TANC2: variants seen among roughly 807,000 people sequenced by gnomAD.
TANC2 encodes tetratricopeptide repeat, ankyrin repeat and coiled-coil containing 2.
TANC2 carries 26 observed loss-of-function variants against 210.5 expected under a neutral mutation model. That is an observed-to-expected ratio of 0.12 (90% CI 0.09 to 0.17). TANC2 has a LOEUF of 0.17. TANC2 is among the 10% of genes least tolerant of loss of function. The pLI, the probability that TANC2 is intolerant of heterozygous loss-of-function variation, is 1.00. For synonymous variants in TANC2, 931 were observed against 967.1 expected (o/e 0.96, Z 0.69); for missense variants, 2,129 against 2,608.9 (o/e 0.82, Z 4.01).
chr17:63,224,605 C>A (rs1161646116), intron 7 of TANC2, among the ~76,000 whole-genome samples: 1 of 152,132 alleles, frequency 6.6e-6, no homozygotes, highest in East Asian at 1.9e-4. Flanking sequence ...GCCAACTGGC[C>A]TCTGTATCCT....
chr17:63,107,424 G>A (rs1344509923), intron 4 of TANC2, among the ~76,000 whole-genome samples: 1 of 151,688 alleles, frequency 6.6e-6, no homozygotes, highest in African/African-American at 2.4e-5. Context: ...AATTCATGAA[G>A]TAGATGTTAA....
chr17:63,283,886 G>A (rs1489242954), intron 9 of TANC2, among the ~76,000 whole-genome samples: 1 of 151,752 alleles, frequency 6.6e-6, no homozygotes, highest in East Asian at 1.9e-4. Flanking sequence ...TTTTTTAATA[G>A]ATTCAGTAAG....
At chr17:63,322,588 A>G (rs781567181) in intron 11 of TANC2, among the ~76,000 whole-genome samples, 2 of 152,268 alleles carry the variant, frequency 1.3e-5, no homozygotes, top group Non-Finnish European at 2.9e-5. Context: ...TCAGTTATTC[A>G]GTTTAGATAT....
intron 5 of TANC2, among the ~76,000 whole-genome samples, chr17:63,186,599 C>A (rs975758309): frequency 6.6e-6 from 1 of 151,922 alleles, no homozygotes; most frequent in African/African-American, 2.4e-5. Context: ...GTGATCCACC[C>A]CCCGCTTCAG....
chr17:63,356,610 T>C (rs569916357), intron 14 of TANC2, among the ~76,000 whole-genome samples: 1 of 152,300 alleles, frequency 6.6e-6, no homozygotes, highest in South Asian at 2.1e-4. Context: ...AGCCAGGCAA[T>C]AGACTTTGTA....
chr17:63,210,015 A>C (rs146397292), intron 7 of TANC2, among the ~76,000 whole-genome samples: 3 of 152,330 alleles, frequency 2.0e-5, no homozygotes, highest in East Asian at 3.9e-4. Flanking sequence ...TTTTAAATAA[A>C]TCAACTTATT....
chr17:63,399,386 T>C (rs1291301933), intron 19 of TANC2: 1 of 152,556 alleles, frequency 6.6e-6, no homozygotes, highest in East Asian at 1.9e-4. Flanking sequence ...TCTGACACAA[T>C]TAATCTAATA....
chr17:63,324,190 AG>A (rs1449538634), intron 11 of TANC2, among the ~76,000 whole-genome samples: 6 of 152,366 alleles, frequency 3.9e-5, no homozygotes, highest in Non-Finnish European at 7.3e-5. Flanking sequence ...TAGATTAAGA[AG>A]CTAACATATC....
exon 28 of TANC2, chr17:63,426,782 G>T (rs1568016190): frequency 6.6e-6 from 1 of 152,252 alleles, no homozygotes; most frequent in Non-Finnish European, 1.5e-5. Flanking sequence ...GACCTACTCT[G>T]TGGAACGGAA....
chr17:63,191,464 AT>A lies in TANC2; in HGVS notation c.434-2526del, dbSNP rs140015148. ...TCAGATATTCCCACCTTTTAAAAAAATATATTATTTATTTTTCAGACAGGAT... is the reference window on the plus strand; with the variant it reads ...TCAGATATTCCCACCTTTTAAAAAAAATATTATTTATTTTTCAGACAGGAT... On this transcript the variant is annotated intron_variant, in intron 5 of 27. Coordinates refer to ENST00000689528, the Ensembl canonical transcript of TANC2. 8.4e-3 allele frequency among the ~76,000 whole-genome samples: 1,282 copies of A among 151,868 alleles called. 16 individuals carry two copies. The highest frequency in any genetic ancestry group is 0.028 in the African/African-American group (1,173 of 41,446).
chr17:62,967,734 T>C (rs2031435036), intron 1 of TANC2: 1 of 152,002 alleles, frequency 6.6e-6, no homozygotes, highest in South Asian at 2.1e-4. Flanking sequence ...TTTTCAGGCA[T>C]TTTGAGGGGT....
At chr17:63,185,716 G>A (rs1333678747) in intron 5 of TANC2, among the ~76,000 whole-genome samples, 1 of 152,180 alleles carries the variant, frequency 6.6e-6, no homozygotes, top group Non-Finnish European at 1.5e-5. Context: ...ATGTGTAGCA[G>A]TATCTCATTG....
chr17:63,167,906 A>AAAAG (rs2040268707), intron 5 of TANC2, among the ~76,000 whole-genome samples: 4 of 150,058 alleles, frequency 2.7e-5, no homozygotes, highest in South Asian at 4.2e-4. Flanking sequence ...AAAAAAAAAA[A>AAAAG]AAAGAAAAGG....
intron 4 of TANC2, 45 bp downstream of exon 4, chr17:63,099,402 C>A: frequency 7.4e-7 from 1 of 1,359,286 alleles, no homozygotes; most frequent in Non-Finnish European, 9.8e-7. Context: ...GGAAACCTAA[C>A]GATATGACAC....
chr17:63,305,213 A>T (rs541319646), intron 9 of TANC2: 1 of 152,250 alleles, frequency 6.6e-6, no homozygotes, highest in Non-Finnish European at 1.5e-5. Flanking sequence ...GTGTGGGCTC[A>T]CGAGTAGGAT....
chr17:63,382,111 A>G (rs552398858), intron 15 of TANC2, among the ~76,000 whole-genome samples: 1 of 152,344 alleles, frequency 6.6e-6, no homozygotes, highest in East Asian at 1.9e-4. Context: ...GGTCAACTCC[A>G]CTAACCAGAA....
Position 63,315,461 on chromosome 17 carries a change from A to T in TANC2, c.1441+792A>T, listed in dbSNP as rs181482007. On this transcript the variant is annotated intron_variant, in intron 10 of 27. Coordinates refer to ENST00000689528, the Ensembl canonical transcript of TANC2. The stretch of plus-strand genomic sequence containing the variant: ...AGGCCATTCTCCTATCCATTTTACT[A>T]TGCTGCCTCTCCTTACTGGTGAAAC... Among the ~76,000 whole-genome samples, 4 of 152,302 alleles carry T rather than the reference A, an allele frequency of 2.6e-5. No individual in the cohort carries two copies. In the East Asian group the frequency reaches 7.7e-4, roughly 29 times the overall value.
At chr17:63,302,059 T>G (rs2044737278) in intron 9 of TANC2, among the ~76,000 whole-genome samples, 1 of 152,234 alleles carries the variant, frequency 6.6e-6, no homozygotes, top group African/African-American at 2.4e-5. Context: ...CAGGAGCAAG[T>G]TGTTCAATTT....
rs570124748 is a variant in TANC2 at position 63,063,115 on chromosome 17, A to G, written c.68-10828A>G. Among the ~76,000 whole-genome samples the G allele has an allele frequency of 2.0e-5, 3 of 152,280 alleles. No individual in the cohort carries two copies. The South Asian group carries it at 6.2e-4, about 32-fold the overall frequency. On this transcript the variant is annotated intron_variant, in intron 2 of 27. Transcript: ENST00000689528. ...TAGAACTCAGGGAAACACTTTACACATGTTTAGCTGTTTATTATAAAACAA... is the reference window on the plus strand; with the variant it reads ...TAGAACTCAGGGAAACACTTTACACGTGTTTAGCTGTTTATTATAAAACAA...
Sources: gnomAD v4.1 joint callset for allele counts (sites outside exome capture counted in the v4.1 genomes callset) on GRCh38, gnomAD v4.1.1 for gene constraint, MANE v1.5 for transcripts, NCBI Gene and HGNC (gene_info 2026-07-23, HGNC 2026-07-21) for gene names.